Variants in FHIT observed in about 807,000 individuals in gnomAD.
The protein encoded by FHIT is bis(5'-adenosyl)-triphosphatase.
Under a neutral mutation model 17.9 loss-of-function variants are expected in FHIT, and 19 were observed. That is an observed-to-expected ratio of 1.06 (90% CI 0.74 to 1.56). The LOEUF is 1.56. Ranked by LOEUF, FHIT falls within the 40% of genes most tolerant of loss-of-function variation. The probability of loss-of-function intolerance (pLI) is 0.00; values close to 1 mark genes in which losing one functional copy is unlikely to be tolerated. For synonymous variants in FHIT, 81 were observed against 69.7 expected (o/e 1.16, Z -0.81); for missense variants, 248 against 189.2 (o/e 1.31, Z -1.82).
chr3:61,098,041 T>C (rs2035697472), intron 2 of FHIT, among the ~76,000 whole-genome samples: 1 of 152,224 alleles, frequency 6.6e-6, no homozygotes. Context: ...ATGTCCTTAA[T>C]GGTATTGCCT....
At chr3:61,247,598 G>A (rs779256342) in intron 1 of FHIT, among the ~76,000 whole-genome samples, 2 of 152,178 alleles carry the variant, frequency 1.3e-5, no homozygotes, top group Non-Finnish European at 2.9e-5. Context: ...GTGTCACTGT[G>A]CTGACAAGAC....
At chr3:60,542,810 G>C (rs551675580) in intron 4 of FHIT, among the ~76,000 whole-genome samples, 1 of 151,886 alleles carries the variant, frequency 6.6e-6, no homozygotes, top group Non-Finnish European at 1.5e-5. Context: ...AAATCTCTCC[G>C]AACAAATCCC....
chr3:60,691,171 T>C (rs573423518), intron 4 of FHIT, among the ~76,000 whole-genome samples: 22 of 152,290 alleles, frequency 1.4e-4, no homozygotes, highest in African/African-American at 5.1e-4. Flanking sequence ...GAAGAGCTTT[T>C]ATTAATCTTT....
At chr3:59,975,440 C>T (rs1005176323) in intron 7 of FHIT, among the ~76,000 whole-genome samples, 5 of 152,072 alleles carry the variant, frequency 3.3e-5, no homozygotes, top group African/African-American at 1.2e-4. Context: ...AGATGCTTTG[C>T]ATAGTTCCTG....
chr3:61,174,039 T>TA (rs1477373234), intron 2 of FHIT, among the ~76,000 whole-genome samples: 4 of 152,248 alleles, frequency 2.6e-5, no homozygotes, highest in Non-Finnish European at 5.9e-5. Flanking sequence ...GACCCCATGA[T>TA]ACTCATATTA....
intron 5 of FHIT, among the ~76,000 whole-genome samples, chr3:60,089,599 T>C (rs1376159864): frequency 2.6e-5 from 4 of 152,164 alleles, no homozygotes; most frequent in Non-Finnish European, 5.9e-5. Flanking sequence ...CATTCCATTA[T>C]AGGCTGGATG....
chr3:61,188,834 C>T (rs1006157068), intron 2 of FHIT, among the ~76,000 whole-genome samples: 5 of 152,114 alleles, frequency 3.3e-5, no homozygotes, highest in African/African-American at 7.2e-5. Flanking sequence ...ACAAAAACCA[C>T]ATGATTATCT....
At chr3:61,123,371 A>G (rs1048287256) in intron 2 of FHIT, among the ~76,000 whole-genome samples, 8 of 152,090 alleles carry the variant, frequency 5.3e-5, no homozygotes, top group Admixed American at 5.2e-4. Flanking sequence ...CGCTAGGGTA[A>G]GGATAGCATT....
At chr3:60,805,131 G>A (rs370525324) in intron 4 of FHIT, among the ~76,000 whole-genome samples, 33 of 152,272 alleles carry the variant, frequency 2.2e-4, no homozygotes, top group Admixed American at 1.3e-3. Flanking sequence ...TGGGGGAATC[G>A]TTTCTTAAGG....
chr3:60,529,691 T>C (rs2035701088), intron 5 of FHIT, among the ~76,000 whole-genome samples: 1 of 152,198 alleles, frequency 6.6e-6, no homozygotes, highest in African/African-American at 2.4e-5. Context: ...AGTTCAGTGA[T>C]TGTTAACCAT....
At chr3:59,948,832 A>T (rs943021108) in intron 7 of FHIT, among the ~76,000 whole-genome samples, 2 of 151,872 alleles carry the variant, frequency 1.3e-5, no homozygotes, top group African/African-American at 4.8e-5. Context: ...TTTCTATCAT[A>T]AAGTTTTTTT....
intron 4 of FHIT, among the ~76,000 whole-genome samples, chr3:60,744,259 AAAACAAAAC>A (rs2042302779): frequency 6.0e-5 from 3 of 49,998 alleles, no homozygotes; most frequent in South Asian, 8.4e-4. Flanking sequence ...AAAAAAAAAC[AAAACAAAAC>A]AAAAAAAAAA....
At chr3:60,419,839 T>G (rs1702403469) in intron 5 of FHIT, among the ~76,000 whole-genome samples, 1 of 152,154 alleles carries the variant, frequency 6.6e-6, no homozygotes, top group South Asian at 2.1e-4. Context: ...ATGGGCATAA[T>G]ATCATCTATA....
At chr3:61,052,918 A>C (rs1040117767) in intron 2 of FHIT, among the ~76,000 whole-genome samples, 54 of 152,332 alleles carry the variant, frequency 3.5e-4, no homozygotes, top group African/African-American at 1.2e-3. Context: ...AAGATATCAG[A>C]CATAGGTTCC....
intron 3 of FHIT, among the ~76,000 whole-genome samples, chr3:60,944,249 G>A (rs187099332): frequency 6.6e-6 from 1 of 152,190 alleles, no homozygotes; most frequent in East Asian, 1.9e-4. Flanking sequence ...GGTTTTTATG[G>A]TTTTATTCCA....
chr3:60,512,348 G>A lies in FHIT; in HGVS notation c.103+24512C>T, dbSNP rs370640400. 1.2e-3 allele frequency among the ~76,000 whole-genome samples: 188 copies of A among 152,244 alleles called. 3 individuals carry two copies. In the South Asian group the frequency reaches 0.037, roughly 30 times the overall value. ...CAGCAACAGACTCATACATCTCTAA[G>A]TGCCAATTAAGCAACCTGCCCCACT... is the stretch of plus-strand genomic sequence containing the variant. On this transcript the variant is annotated intron_variant, in intron 5 of 9. Coordinates refer to ENST00000492590, the MANE Select transcript of FHIT (RefSeq NM_002012.4).
chr3:60,635,592 TC>T (rs1283758825), intron 4 of FHIT, among the ~76,000 whole-genome samples: 1 of 152,208 alleles, frequency 6.6e-6, no homozygotes, highest in Non-Finnish European at 1.5e-5. Context: ...TGCCTAGAAA[TC>T]CCTGGTAAGT....
At chr3:59,907,471 G>A (rs180926515) in intron 8 of FHIT, among the ~76,000 whole-genome samples, 2 of 152,180 alleles carry the variant, frequency 1.3e-5, no homozygotes, top group African/African-American at 4.8e-5. Flanking sequence ...TTCATGCAGG[G>A]ATAAGGACAC....
At chr3:60,960,932 C>T (rs887463240) in intron 3 of FHIT, among the ~76,000 whole-genome samples, 4 of 152,142 alleles carry the variant, frequency 2.6e-5, no homozygotes, top group African/African-American at 9.7e-5. Flanking sequence ...ATTTATAATC[C>T]TTTTGGTAAA....
Sources: gnomAD v4.1 joint callset for allele counts (sites outside exome capture counted in the v4.1 genomes callset) on GRCh38, gnomAD v4.1.1 for gene constraint, MANE v1.5 for transcripts, NCBI Gene and HGNC (gene_info 2026-07-23, HGNC 2026-07-21) for gene names.